The following CACNA1I variants were observed in gnomAD, a reference collection of about 807,000 sequenced individuals.
CACNA1I encodes the protein calcium voltage-gated channel subunit alpha1 I.
Under a neutral mutation model 201.6 loss-of-function variants are expected in CACNA1I, and 74 were observed. The ratio of observed to expected loss-of-function variants is 0.37; its 90% CI spans 0.30 to 0.45. The LOEUF is 0.45. Ranked by LOEUF, CACNA1I falls within the 20% of genes least tolerant of loss-of-function variation. CACNA1I has a pLI of 1.00. For missense variants in CACNA1I, 2,346 were observed against 3,138.1 expected, an observed-to-expected ratio of 0.75 and a Z score of 6.03; for synonymous variants, 1,431 against 1,345.2, an observed-to-expected ratio of 1.06 and a Z score of -1.40.
intron 4 of CACNA1I, 22 bp from the exon 5 acceptor site, chr22:39,634,543 C>A: frequency 6.2e-7 from 1 of 1,613,434 alleles, no homozygotes; most frequent in Non-Finnish European, 8.5e-7. Flanking sequence ...TCTGACCATC[C>A]CTCCACCTTT....
chr22:39,678,507 A>AG (rs1350171448), intron 31 of CACNA1I, among the ~76,000 whole-genome samples: 1 of 152,072 alleles, frequency 6.6e-6, no homozygotes, highest in Non-Finnish European at 1.5e-5. Context: ...AAGGGCAGGG[A>AG]GGGGCTCCCA....
chr22:39,570,780 T>C lies in CACNA1I; in HGVS notation c.28T>C (p.Ser10Pro). The change falls in exon 1 of 37, where the codon TCA becomes CCA. Residue 10 changes from serine (S) to proline (P), a missense_variant. By Grantham distance (74) the Ser-to-Pro change is moderately conservative (BLOSUM62 -1). This residue lies in a region of CACNA1I where 130 missense variants were observed against 160.7 expected (regional missense o/e 0.81). Coordinates refer to ENST00000402142, the MANE Select transcript of CACNA1I (RefSeq NM_021096.4). The stretch of plus-strand genomic sequence containing the variant: ...GGCTGAGAGCGCCTCCCCGCCCTCC[T>C]CATCTGCAGCAGCCCCAGCCGCTGA... MAESASPPS[S>P]SAAAPAAEPG... 1 of 1,611,462 alleles carries C rather than the reference T, an allele frequency of 6.2e-7. No homozygotes were observed. The highest frequency in any genetic ancestry group is 8.5e-7 in the Non-Finnish European group (1 of 1,179,172).
At chr22:39,606,716 G>A (rs1933231406) in intron 3 of CACNA1I, among the ~76,000 whole-genome samples, 1 of 152,194 alleles carries the variant, frequency 6.6e-6, no homozygotes, top group Admixed American at 6.5e-5. Context: ...ATTTTTAGTA[G>A]AGACGGGGTT....
Position 39,686,525 on chromosome 22 carries a change from C to A in CACNA1I, c.*120C>A. On this transcript the variant is annotated 3_prime_UTR_variant, in exon 37 of 37. Transcript: ENST00000402142. ...GGGATCGCGCAGGGCCCGCAGGGCA[C>A]AGGCGCCCGACAGCCGGGCTGAGCG... 1.3e-6 allele frequency: 1 copy of A among 774,652 alleles called. No homozygotes were observed. The highest frequency in any genetic ancestry group is 1.7e-6 in the Non-Finnish European group (1 of 584,002). 48.0% of individuals were successfully genotyped at this position (774,652 alleles called of 1,614,324 possible).
intron 4 of CACNA1I, among the ~76,000 whole-genome samples, chr22:39,627,570 C>T (rs747077072): frequency 1.3e-5 from 2 of 152,260 alleles, no homozygotes; most frequent in African/African-American, 4.8e-5. Context: ...GCCAGCCCTG[C>T]TGAAGAGGGG....
In CACNA1I at chr22:39,619,355, C is replaced by T. The variant is rs1427836155; in HGVS notation, c.528C>T (p.Ala176=). Reference sequence around the variant, plus strand: ...ACCTTCAGAACATCAACCTGTCAGCCATCCGCACCGTGCGCGTCCTGAGGC... The same window carrying T: ...ACCTTCAGAACATCAACCTGTCAGCTATCCGCACCGTGCGCGTCCTGAGGC... ...SLDLQNINLS[A]IRTVRVLRPL... Residue 176 remains alanine (A), a synonymous_variant, in exon 4 of 37, where the codon GCC becomes GCT. Transcript: ENST00000402142. 2.5e-6 allele frequency: 4 copies of T among 1,610,154 alleles called. No homozygotes were observed. The highest frequency in any genetic ancestry group is 2.7e-5 in the African/African-American group (2 of 75,054).
rs540110033 is a variant in CACNA1I, at chr22:39,598,390, C to G, written c.348+128C>G. 244 of 628,056 alleles carry G rather than the reference C, an allele frequency of 3.9e-4. 1 individual carries two copies. The highest frequency in any genetic ancestry group is 1.3e-3 in the Admixed American group (54 of 42,372). The allele number at this position is 628,056 out of a possible 1,614,324, so 38.9% of individuals were successfully genotyped here. A position where few individuals can be genotyped will look rare whatever the true frequency, so the allele number is the denominator to read the frequency against. ...CGCCCACTCCATGCCCCGCCCCGCT[C>G]CGTGCCCTTCCCCATCCTGCGCTGC... On this transcript the variant is annotated intron_variant, in intron 2 of 36. Transcript: ENST00000402142.
chr22:39,592,948 C>T (rs1354017878), intron 1 of CACNA1I, among the ~76,000 whole-genome samples: 1 of 152,230 alleles, frequency 6.6e-6, no homozygotes, highest in East Asian at 1.9e-4. Context: ...GGGAGTGTGT[C>T]AGGAACCGCG....
At chr22:39,656,985 C>T (rs1934845057) in intron 10 of CACNA1I, among the ~76,000 whole-genome samples, 1 of 152,152 alleles carries the variant, frequency 6.6e-6, no homozygotes, top group Admixed American at 6.5e-5. Flanking sequence ...AGGGGCTGGG[C>T]CTCGTAGGAG....
In CACNA1I at chr22:39,688,014, T is replaced by G. The variant is rs1249307779; in HGVS notation, c.*1609T>G. The G allele has an allele frequency of 6.6e-6, 1 of 151,408 alleles. No individual in the cohort carries two copies. The highest frequency in any genetic ancestry group is 1.9e-4 in the East Asian group (1 of 5,182). The allele number at this position is 151,408 out of a possible 1,614,324, so 9.4% of individuals were successfully genotyped here. ...GGGGCCTGCCAAGGGGGGGCCTTGT[T>G]CTTGTTCCCAAACTCTGACTTGGAA... On this transcript the variant is annotated 3_prime_UTR_variant, in exon 37 of 37. Transcript: ENST00000402142. The surrounding 1 kb of genome is among the most constrained non-coding windows in gnomAD (Gnocchi z 4.8).
chr22:39,580,605 C>T lies in CACNA1I; in HGVS notation c.236+9617C>T, dbSNP rs141406358. ...GAGGGTTTTCCAGGCAGAGGGAACA[C>T]GGTAGGGCACAGGGAGGGGTTTAGT... is the stretch of plus-strand genomic sequence containing the variant. On this transcript the variant is annotated intron_variant, in intron 1 of 36. Transcript: ENST00000402142. Among the ~76,000 whole-genome samples, 774 of 152,182 alleles carry T rather than the reference C, an allele frequency of 5.1e-3. 4 individuals are homozygous for T. Among genetic ancestry groups the T allele is most frequent in the Non-Finnish European group, 6.3e-3 (427 of 68,012 alleles).
At chr22:39,597,152 G>T (rs1276754069) in intron 1 of CACNA1I, among the ~76,000 whole-genome samples, 5 of 152,182 alleles carry the variant, frequency 3.3e-5, no homozygotes, top group African/African-American at 1.2e-4. Flanking sequence ...GATTTTCGAA[G>T]GCCCCAGGAC....
Position 39,642,924 on chromosome 22 carries a change from T to G in CACNA1I, c.1149+35T>G, listed in dbSNP as rs773436321. 26 of 1,431,188 alleles carry G rather than the reference T, an allele frequency of 1.8e-5. No individual in the cohort carries two copies. In the South Asian group the frequency reaches 3.1e-4, roughly 17 times the overall value. The allele number at this position is 1,431,188 out of a possible 1,614,324, so 88.7% of individuals were successfully genotyped here. A position where few individuals can be genotyped will look rare whatever the true frequency, so the allele number is the denominator to read the frequency against. On this transcript the variant is annotated intron_variant, in intron 7 of 36. Coordinates refer to ENST00000402142, the MANE Select transcript of CACNA1I (RefSeq NM_021096.4). ...AGGGAGCCTGGGCTCCTAGGTGTGC[T>G]CAGAACCCATGGACCAGGGGACCTG...
rs1243131816 is a variant in CACNA1I at position 39,646,716 on chromosome 22, G to A, written c.1297G>A (p.Asp433Asn). Residue 433 changes from aspartate (D) to asparagine (N), a missense_variant, in exon 8 of 37, where the codon GAC becomes AAC. This residue lies in a region of CACNA1I where 312 missense variants were observed against 331.5 expected (regional missense o/e 0.94). Coordinates refer to ENST00000402142, the MANE Select transcript of CACNA1I (RefSeq NM_021096.4). ...STVASYAEPG[D>N]CYEEIFQYVC... ...GGTGGCCAGCTACGCCGAGCCTGGC[G>A]ACTGCTACGAGGAGATCTTCCAGTA... 6.3e-6 allele frequency: 10 copies of A among 1,596,872 alleles called. No individual in the cohort carries two copies. The highest frequency in any genetic ancestry group is 1.6e-4 in the Middle Eastern group (1 of 6,064).
intron 24 of CACNA1I, among the ~76,000 whole-genome samples, chr22:39,669,187 G>A (rs1464576711): frequency 6.6e-6 from 1 of 152,240 alleles, no homozygotes; most frequent in Non-Finnish European, 1.5e-5. Flanking sequence ...AGTGGTGGAA[G>A]CAGGGCTGTG....
At chr22:39,661,079 C>T (rs1601508450) in intron 15 of CACNA1I, 29 bp from the exon 16 acceptor site, 1 of 1,576,064 alleles carries the variant, frequency 6.3e-7, no homozygotes, top group African/African-American at 1.3e-5. Context: ...CCATCTGTCC[C>T]TCCCTCTGTC....
intron 1 of CACNA1I, among the ~76,000 whole-genome samples, chr22:39,597,246 A>G (rs940474661): frequency 3.7e-4 from 56 of 152,168 alleles, no homozygotes; most frequent in African/African-American, 1.3e-3. Flanking sequence ...TGGAAGTGAC[A>G]CAGCCCTGAG....
intron 31 of CACNA1I, 85 bp from the exon 32 acceptor site, chr22:39,679,022 C>T (rs891558906): frequency 3.2e-5 from 34 of 1,074,774 alleles, no homozygotes; most frequent in Middle Eastern, 4.6e-4. Flanking sequence ...TTGCTGCCTC[C>T]GAGCGTGGCC....
intron 4 of CACNA1I, among the ~76,000 whole-genome samples, chr22:39,631,514 T>C (rs1934062006): frequency 1.3e-5 from 2 of 152,182 alleles, no homozygotes; most frequent in Admixed American, 1.3e-4. Context: ...CAGGAGGGCT[T>C]CGTGACTAAC....
Sources: gnomAD v4.1 joint callset for allele counts (sites outside exome capture counted in the v4.1 genomes callset) on GRCh38, gnomAD v4.1.1 for gene constraint, gnomAD v4.1.1 regional missense constraint, Gnocchi (gnomAD v3.1) non-coding constraint, MANE v1.5 for transcripts, NCBI Gene and HGNC (gene_info 2026-07-23, HGNC 2026-07-21) for gene names.